STARD3: variants seen among roughly 807,000 people sequenced by gnomAD.
STARD3 encodes the protein StAR related lipid transfer domain containing 3, also known as stAR-related lipid transfer protein 3.
A neutral mutation model predicts 62.0 loss-of-function variants in STARD3; 39 were observed. The ratio of observed to expected loss-of-function variants is 0.63; its 90% confidence interval spans 0.49 to 0.82. The LOEUF is 0.82. Ranked by LOEUF, STARD3 falls within the 40% of genes least tolerant of loss-of-function variation. The probability of loss-of-function intolerance (pLI) is 0.00; values close to 1 mark genes in which losing one functional copy is unlikely to be tolerated. For missense variants in STARD3, 543 were observed against 584.5 expected (o/e 0.93, Z 0.73); for synonymous variants, 229 against 242.4 (o/e 0.94, Z 0.51).
chr17:39,641,764 T>G (rs1471437142), intron 1 of STARD3, among the ~76,000 whole-genome samples: 1 of 152,176 alleles, frequency 6.6e-6, no homozygotes, highest in Non-Finnish European at 1.5e-5. Context: ...GGGCACACAA[T>G]CTAATAAGGA....
At chr17:39,649,553 C>A (rs1353321954) in intron 1 of STARD3, among the ~76,000 whole-genome samples, 1 of 152,128 alleles carries the variant, frequency 6.6e-6, no homozygotes, top group Non-Finnish European at 1.5e-5. Flanking sequence ...AGCTACTGTC[C>A]ATGTAAGAAA....
At chr17:39,659,755 A>AC (rs1268844612) in intron 9 of STARD3, 12 of 311,456 alleles carry the variant, frequency 3.9e-5, no homozygotes, top group Non-Finnish European at 6.6e-5. Flanking sequence ...CCTTCCCCGC[A>AC]CCCCCCATGT....
intron 1 of STARD3, among the ~76,000 whole-genome samples, chr17:39,645,115 C>T (rs143111910): frequency 2.0e-5 from 3 of 152,242 alleles, no homozygotes; most frequent in East Asian, 1.9e-4. Flanking sequence ...AAGGGGCAGC[C>T]GATGCTGTTC....
rs1050146264 is a variant in STARD3 at position 39,651,561 on chromosome 17, C to T, written c.-51-1920C>T. On this transcript the variant is annotated intron_variant, in intron 1 of 14. Transcript: ENST00000336308. ...AGTTTTTGCCTCCCCGCTTCAGCTCCTCTGACTTTCTTTTTTTTTTGAGAC... is the reference window on the plus strand; with the variant it reads ...AGTTTTTGCCTCCCCGCTTCAGCTCTTCTGACTTTCTTTTTTTTTTGAGAC... 8.2e-4 allele frequency among the ~76,000 whole-genome samples: 125 copies of T among 152,166 alleles called. 1 individual carries two copies. The highest frequency in any genetic ancestry group is 2.9e-3 in the African/African-American group (122 of 41,528).
chr17:39,661,314 G>A (rs1232524912), intron 13 of STARD3: 4 of 567,324 alleles, frequency 7.1e-6, no homozygotes, highest in East Asian at 3.0e-5. Flanking sequence ...AAGGCTGGAC[G>A]GGATGTGCGG....
intron 5 of STARD3, 29 bp from the exon 6 acceptor site, chr17:39,658,375 GC>G (rs2057155297): frequency 6.3e-7 from 1 of 1,599,886 alleles, no homozygotes; most frequent in Admixed American, 1.7e-5. Flanking sequence ...GGTGACCCCT[GC>G]CATGGAGCTC....
rs374444387 is a variant in STARD3, at chr17:39,656,068, GC to G, written c.220-939del. 1.8e-4 allele frequency among the ~76,000 whole-genome samples: 28 copies of G among 152,246 alleles called. No individual in the cohort carries two copies. In the South Asian group the frequency reaches 4.1e-3, roughly 23 times the overall value. On this transcript the variant is annotated intron_variant, in intron 2 of 14. Transcript: ENST00000336308. The stretch of plus-strand genomic sequence containing the variant: ...CTCACCGGCAGCCAGAGGAGAGGTG[GC>G]ATCAGATTTCATGGAGCTGGGGTGG...
chr17:39,642,883 G>C (rs1001470054), intron 1 of STARD3, among the ~76,000 whole-genome samples: 1 of 152,114 alleles, frequency 6.6e-6, no homozygotes, highest in African/African-American at 2.4e-5. Flanking sequence ...GAGCATGCTT[G>C]ATGTGTCCGT....
chr17:39,662,777 G>A (rs1056034054), intron 14 of STARD3, 27 bp from the exon 15 acceptor site: 3 of 1,591,852 alleles, frequency 1.9e-6, no homozygotes, highest in Admixed American at 1.7e-5. Context: ...AGGCCATCAA[G>A]TGTGACTTCT....
chr17:39,650,329 G>C (rs141947686), intron 1 of STARD3, among the ~76,000 whole-genome samples: 4 of 152,158 alleles, frequency 2.6e-5, no homozygotes, highest in Non-Finnish European at 2.9e-5. Flanking sequence ...ACGCCAGATT[G>C]CTCGCACACC....
chr17:39,646,489 G>A (rs2057027093), intron 1 of STARD3, among the ~76,000 whole-genome samples: 1 of 152,146 alleles, frequency 6.6e-6, no homozygotes, highest in South Asian at 2.1e-4. Context: ...CTGAGCTCAA[G>A]CAGTCCTTCC....
intron 8 of STARD3, 132 bp downstream of exon 8, chr17:39,659,238 C>CT (rs1177065468): frequency 2.5e-6 from 3 of 1,219,666 alleles, no homozygotes; most frequent in Non-Finnish European, 3.5e-6. Flanking sequence ...ATCCGAGTGT[C>CT]TCCCCCACCA....
Position 39,660,548 on chromosome 17 carries a change from C to T in STARD3, c.954+22C>T, listed in dbSNP as rs752183966. ...CCAGGTGAGCCCAGTCTGGCTGCCTCTTAAGGCACAGATGGGGGCACAGCC... is the reference window on the plus strand; with the variant it reads ...CCAGGTGAGCCCAGTCTGGCTGCCTTTTAAGGCACAGATGGGGGCACAGCC... On this transcript the variant is annotated intron_variant, in intron 11 of 14. Transcript: ENST00000336308. This position sits in a 1 kb window ranked among gnomAD's most constrained non-coding sequence, Gnocchi z 4.8. The T allele has an allele frequency of 1.9e-6, 3 of 1,612,686 alleles. No individual in the cohort carries two copies. Among genetic ancestry groups the T allele is most frequent in the Non-Finnish European group, 2.5e-6 (3 of 1,179,050 alleles).
chr17:39,663,353 T>TG lies in STARD3; in HGVS notation c.*448dup. On this transcript the variant is annotated 3_prime_UTR_variant, in exon 15 of 15. Coordinates refer to ENST00000336308, the MANE Select transcript of STARD3 (RefSeq NM_006804.4). ...AGAGTCTGGGACCCTTGTTGGGGAG[T>TG]GGGTGGCAGGTGGGGGTGGGCTGCT... 1 of 294,030 alleles carries TG rather than the reference T, an allele frequency of 3.4e-6. No homozygotes were observed. 18.2% of individuals were successfully genotyped at this position (294,030 alleles called of 1,614,324 possible).
chr17:39,638,315 C>T (rs2132140), intron 1 of STARD3, among the ~76,000 whole-genome samples: 1 of 152,174 alleles, frequency 6.6e-6, no homozygotes, highest in Non-Finnish European at 1.5e-5. Context: ...CTTACGGTGC[C>T]AGTTCCTTGC....
chr17:39,659,755 AC>A, intron 9 of STARD3: 2 of 311,066 alleles, frequency 6.4e-6, no homozygotes, highest in African/African-American at 7.0e-5. Context: ...CCTTCCCCGC[AC>A]CCCCCATGTT....
chr17:39,663,090 C>T lies in STARD3; in HGVS notation c.*182C>T, dbSNP rs776321044. 11 of 572,700 alleles carry T rather than the reference C, an allele frequency of 1.9e-5. No homozygotes were observed. Among genetic ancestry groups the T allele is most frequent in the Middle Eastern group, 3.9e-4 (1 of 2,534 alleles). 35.5% of individuals were successfully genotyped at this position (572,700 alleles called of 1,614,324 possible). A position where few individuals can be genotyped will look rare whatever the true frequency, so the allele number is the denominator to read the frequency against. ...GGCTGTGGGGTGGAGCACTGGACTCCGGGGCCCCACTGGCTGGAGGAAGTG... is the reference window on the plus strand; with the variant it reads ...GGCTGTGGGGTGGAGCACTGGACTCTGGGGCCCCACTGGCTGGAGGAAGTG... On this transcript the variant is annotated 3_prime_UTR_variant, in exon 15 of 15. Transcript: ENST00000336308.
chr17:39,657,791 G>A lies in STARD3; in HGVS notation c.314G>A (p.Arg105His), dbSNP rs2057146069. The change falls in exon 4 of 15, where the codon CGC becomes CAC. Residue 105 changes from arginine (R) to histidine (H), a missense_variant. Coordinates refer to ENST00000336308, the MANE Select transcript of STARD3 (RefSeq NM_006804.4). ...CCCCACCAGGTCCTGGCCTTCTTCC[G>A]CTTCTCTGGACTGCTCCTAGGCTAT... Reference protein sequence around the residue: ...FFDIFVLAFFRFSGLLLGYAV... With the variant: ...FFDIFVLAFFHFSGLLLGYAV... The A allele has an allele frequency of 1.9e-6, 3 of 1,614,182 alleles. No homozygotes were observed. The highest frequency in any genetic ancestry group is 2.5e-6 in the Non-Finnish European group (3 of 1,180,006).
At chr17:39,647,929 A>G (rs140859840) in intron 1 of STARD3, among the ~76,000 whole-genome samples, 2,266 of 152,112 alleles carry the variant, frequency 0.015, 65 homozygotes, top group African/African-American at 0.052. Flanking sequence ...AGGATCGCTT[A>G]AGCCCAGGAG....
Sources: gnomAD v4.1 joint callset for allele counts (sites outside exome capture counted in the v4.1 genomes callset) on GRCh38, gnomAD v4.1.1 for gene constraint, Gnocchi (gnomAD v3.1) non-coding constraint, MANE v1.5 for transcripts, NCBI Gene and HGNC (gene_info 2026-07-23, HGNC 2026-07-21) for gene names.